The following PRC1 variants were observed in gnomAD, a reference collection of about 807,000 sequenced individuals.
PRC1 encodes protein regulator of cytokinesis 1.
A neutral mutation model predicts 91.2 loss-of-function variants in PRC1; 54 were observed. The ratio of observed to expected loss-of-function variants is 0.59; its 90% CI spans 0.48 to 0.74. PRC1 has a LOEUF of 0.74. PRC1 is among the 30% of genes least tolerant of loss of function. The pLI is 0.00. For synonymous variants in PRC1, 275 were observed against 263.6 expected (o/e 1.04, Z -0.42); for missense variants, 727 against 746.2 (o/e 0.97, Z 0.30).
chr15:90,969,667 A>G (rs768421518), intron 12 of PRC1, 44 bp from the exon 13 acceptor site: 3 of 1,533,018 alleles, frequency 2.0e-6, no homozygotes, highest in Non-Finnish European at 2.6e-6. Context: ...CTTCTAATGA[A>G]CGTGCACACG....
At chr15:90,976,651 C>A (rs758805080) in intron 9 of PRC1, 25 bp downstream of exon 9, 2 of 1,557,222 alleles carry the variant, frequency 1.3e-6, no homozygotes, top group Admixed American at 3.5e-5. Context: ...AACCAAGCAT[C>A]AAAAACCCTT....
chr15:90,967,325 T>G, intron 14 of PRC1, 123 bp from the exon 15 acceptor site: 1 of 735,046 alleles, frequency 1.4e-6, no homozygotes, highest in South Asian at 1.6e-5. Flanking sequence ...ATCCCTAGCC[T>G]GCAATAGGCT....
chr15:90,994,476 A>G lies in PRC1; in HGVS notation c.-59T>C. The G allele has an allele frequency of 6.4e-7, 1 of 1,572,184 alleles. No individual in the cohort carries two copies. The highest frequency in any genetic ancestry group is 8.6e-7 in the Non-Finnish European group (1 of 1,157,024). On this transcript the variant is annotated 5_prime_UTR_variant, in exon 1 of 15. Transcript: ENST00000394249. The stretch of plus-strand genomic sequence containing the variant: ...CAGACCTACTCCACACGGCCCCGAG[A>G]GCAACAACCACCCGCAAACACCGGC...
chr15:90,972,210 C>G (rs1161929469), intron 11 of PRC1, among the ~76,000 whole-genome samples: 5 of 134,484 alleles, frequency 3.7e-5, no homozygotes, highest in Admixed American at 2.1e-4. Context: ...AAAAACACCA[C>G]CAACAAAAAA....
At chr15:90,991,332 C>G (rs1330234102) in intron 1 of PRC1, among the ~76,000 whole-genome samples, 1 of 151,598 alleles carries the variant, frequency 6.6e-6, no homozygotes, top group African/African-American at 2.4e-5. Flanking sequence ...AGGAGAATCA[C>G]TTGAACCCGG....
At chr15:90,971,842 A>G (rs762811136) in intron 11 of PRC1, among the ~76,000 whole-genome samples, 5 of 151,922 alleles carry the variant, frequency 3.3e-5, no homozygotes, top group Non-Finnish European at 7.4e-5. Context: ...ATCCTGGCCA[A>G]CAAAGTGAAA....
intron 11 of PRC1, among the ~76,000 whole-genome samples, chr15:90,970,941 G>A (rs2038064575): frequency 6.6e-6 from 1 of 152,222 alleles, no homozygotes; most frequent in Non-Finnish European, 1.5e-5. Flanking sequence ...AATTCATACA[G>A]TGGAATGAAT....
At chr15:90,980,777 A>G in intron 6 of PRC1, 107 bp downstream of exon 6, 1 of 1,477,022 alleles carries the variant, frequency 6.8e-7, no homozygotes. Flanking sequence ...AAGTGCTGGG[A>G]TTAGAGGCAT....
At chr15:90,982,274 C>T (rs1295943161) in intron 3 of PRC1, among the ~76,000 whole-genome samples, 3 of 152,188 alleles carry the variant, frequency 2.0e-5, no homozygotes, top group African/African-American at 7.2e-5. Context: ...GTATTAAGTA[C>T]AGTCATATTG....
At chr15:90,976,548 A>G (rs2038718512) in intron 9 of PRC1, 128 bp downstream of exon 9, 8 of 771,448 alleles carry the variant, frequency 1.0e-5, no homozygotes, top group South Asian at 1.8e-5. Context: ...TACTAAATAT[A>G]TAACTTATTA....
In PRC1 at chr15:90,969,453, C is replaced by T; in HGVS notation, c.1743G>A (p.Glu581=). The change falls in exon 13 of 15, where the codon GAG becomes GAA. Residue 581 remains glutamate, a synonymous_variant. Transcript: ENST00000394249. ...SINSVASTYS[E]FAKDPSLSDS... Reference sequence around the variant, plus strand: ...ATTAGAAAAGGTGAATTACCGCAAACTCAGAATAGGTGCTGGCAACAGAAT... The same window carrying T: ...ATTAGAAAAGGTGAATTACCGCAAATTCAGAATAGGTGCTGGCAACAGAAT... The T allele has an allele frequency of 6.3e-7, 1 of 1,598,328 alleles. No homozygotes were observed. Among genetic ancestry groups the T allele is most frequent in the East Asian group, 2.2e-5 (1 of 44,650 alleles).
At chr15:90,987,097 G>A in intron 1 of PRC1, among the ~76,000 whole-genome samples, 1 of 140,088 alleles carries the variant, frequency 7.1e-6, no homozygotes, top group African/African-American at 2.8e-5. Context: ...AACATAGTGA[G>A]ACTCTGCGTC....
At chr15:90,993,617 G>A (rs960852302) in intron 1 of PRC1, among the ~76,000 whole-genome samples, 2 of 152,188 alleles carry the variant, frequency 1.3e-5, no homozygotes, top group African/African-American at 2.4e-5. Context: ...GTTGGTAAGT[G>A]GCAGTGTCAC....
rs557429495 is a variant in PRC1 at position 90,966,530 on chromosome 15, G to T, written c.*601C>A. 4.6e-5 allele frequency: 21 copies of T among 456,146 alleles called. No homozygotes were observed. The East Asian group carries it at 1.5e-3, about 32-fold the overall frequency. 28.3% of individuals were successfully genotyped at this position (456,146 alleles called of 1,614,324 possible). ...TACCCCCAACAAAGGGCAATGCACT[G>T]TGTAACAGAACTGAACACAATTTAA... On this transcript the variant is annotated 3_prime_UTR_variant, in exon 15 of 15. Transcript: ENST00000394249.
Position 90,981,983 on chromosome 15 carries a change from T to C in PRC1, c.268-2A>G. On this transcript the variant is annotated splice_acceptor_variant, in intron 3 of 14. Transcript: ENST00000394249. LOFTEE classifies it high-confidence loss of function. ...CAAGATGGTCGTCTCTCCTTCTTCC[T>C]GAATAAGACAACGTACCACTGTTAT... The C allele has an allele frequency of 6.2e-7, 1 of 1,611,344 alleles. No homozygotes were observed. The highest frequency in any genetic ancestry group is 8.5e-7 in the Non-Finnish European group (1 of 1,177,768).
rs866904342 is a variant in PRC1, at chr15:90,980,371, G to C, written c.841C>G (p.Arg281Gly). 6.2e-7 allele frequency: 1 copy of C among 1,613,620 alleles called. No homozygotes were observed. Among genetic ancestry groups the C allele is most frequent in the East Asian group, 2.2e-5 (1 of 44,884 alleles). The change falls in exon 7 of 15, where the codon CGG becomes GGG. Residue 281 changes from arginine to glycine, a missense_variant. Coordinates refer to ENST00000394249, the MANE Select transcript of PRC1 (RefSeq NM_003981.4). ...VRKALQLEVDRLEELKMQNMK... is the reference protein window; with the variant it reads ...VRKALQLEVDGLEELKMQNMK... Reference sequence around the variant, plus strand: ...TTTTGCATTTTCAGTTCTTCCAACCGATCCACTTCTAATTGCAGCTGAAAG... The same window carrying C: ...TTTTGCATTTTCAGTTCTTCCAACCCATCCACTTCTAATTGCAGCTGAAAG...
chr15:90,979,479 G>C (rs946677043), intron 7 of PRC1, among the ~76,000 whole-genome samples, 185 bp from the exon 8 acceptor site: 1 of 152,172 alleles, frequency 6.6e-6, no homozygotes. Flanking sequence ...GTCACAATCA[G>C]CCTGGGGGAG....
rs761202518 is a variant in PRC1 at position 90,966,500 on chromosome 15, A to G, written c.*631T>C. ...TTCCGACAAGCATGTGTGTTCATAC[A>G]TGCATACCCCCAACAAAGGGCAATG... On this transcript the variant is annotated 3_prime_UTR_variant, in exon 15 of 15. Transcript: ENST00000394249. 98 of 447,250 alleles carry G rather than the reference A, an allele frequency of 2.2e-4. No homozygotes were observed. Among genetic ancestry groups the G allele is most frequent in the Non-Finnish European group, 4.3e-4 (95 of 220,804 alleles). 27.7% of individuals were successfully genotyped at this position (447,250 alleles called of 1,614,324 possible). A position where few individuals can be genotyped will look rare whatever the true frequency, so the allele number is the denominator to read the frequency against.
In PRC1 at chr15:90,974,281, C is replaced by T. The variant is rs557953007; in HGVS notation, c.1351-35G>A. ...AGTCAGAAGCAACAGTGATAAATCT[C>T]AGGAAGAGAGCGGGTCTGGGATGGC... On this transcript the variant is annotated intron_variant, in intron 10 of 14. Coordinates refer to ENST00000394249, the MANE Select transcript of PRC1 (RefSeq NM_003981.4). The surrounding 1 kb of genome is among the most constrained non-coding windows in gnomAD (Gnocchi z 4.6). 224 of 1,564,686 alleles carry T rather than the reference C, an allele frequency of 1.4e-4. 1 individual carries two copies. The highest frequency in any genetic ancestry group is 8.9e-4 in the South Asian group (80 of 90,058).
Sources: allele counts gnomAD v4.1 joint callset (sites outside exome capture counted in the v4.1 genomes callset), GRCh38; gene constraint gnomAD v4.1.1; non-coding constraint Gnocchi (gnomAD v3.1); transcripts MANE v1.5; gene names NCBI Gene and HGNC (gene_info 2026-07-23, HGNC 2026-07-21).